MPRIP: variants seen among roughly 807,000 people sequenced by gnomAD.
MPRIP encodes the protein myosin phosphatase Rho-interacting protein.
A neutral mutation model predicts 234.9 loss-of-function variants in MPRIP; 59 were observed. The ratio of observed to expected loss-of-function variants is 0.25; its 90% CI spans 0.20 to 0.31. The LOEUF (loss-of-function observed/expected upper bound fraction) is 0.31, where lower values mean the gene tolerates loss of function less well. Among genes scored for constraint, MPRIP ranks in the 10% least tolerant of loss-of-function variants. MPRIP has a pLI of 1.00. For synonymous variants in MPRIP, 1,144 were observed against 1,263.9 expected (o/e 0.91, Z 2.01); for missense variants, 2,436 against 3,071.0 (o/e 0.79, Z 4.89).
intron 1 of MPRIP, among the ~76,000 whole-genome samples, chr17:17,073,636 C>T (rs1435990751): frequency 6.6e-6 from 1 of 152,070 alleles, no homozygotes; most frequent in Non-Finnish European, 1.5e-5. Context: ...TCACAGAGTC[C>T]AGATACACAC....
chr17:17,163,385 T>C (rs1469100597), intron 15 of MPRIP, among the ~76,000 whole-genome samples: 2 of 152,238 alleles, frequency 1.3e-5, no homozygotes, highest in Non-Finnish European at 2.9e-5. Flanking sequence ...TGGGGAGTTT[T>C]GTTTCATTTA....
At chr17:17,058,917 C>CAG (rs2088788430) in intron 1 of MPRIP, among the ~76,000 whole-genome samples, 1 of 151,982 alleles carries the variant, frequency 6.6e-6, no homozygotes, top group Non-Finnish European at 1.5e-5. Context: ...GGGGTGGGGA[C>CAG]GTGCTAGGGG....
chr17:17,102,237 G>GGCCA (rs1408371883), intron 3 of MPRIP, among the ~76,000 whole-genome samples: 1 of 152,080 alleles, frequency 6.6e-6, no homozygotes, highest in East Asian at 1.9e-4. Flanking sequence ...CCATAGTCAA[G>GGCCA]GCCAGGCCTT....
At chr17:17,109,114 A>G (rs969359046) in intron 3 of MPRIP, among the ~76,000 whole-genome samples, 38 of 152,262 alleles carry the variant, frequency 2.5e-4, no homozygotes, top group African/African-American at 8.7e-4. Context: ...TTCTTATCCA[A>G]ACATGCCTTG....
intron 3 of MPRIP, among the ~76,000 whole-genome samples, chr17:17,113,884 T>C (rs933390753): frequency 2.2e-5 from 3 of 137,348 alleles, no homozygotes; most frequent in Non-Finnish European, 4.7e-5. Flanking sequence ...TCTTTTCTTT[T>C]CTTTTTTTTT....
chr17:17,061,096 C>T (rs527703913), intron 1 of MPRIP, among the ~76,000 whole-genome samples: 1 of 152,300 alleles, frequency 6.6e-6, no homozygotes, highest in African/African-American at 2.4e-5. Context: ...GTGGGCACAG[C>T]TCCGCCAAGA....
intron 1 of MPRIP, among the ~76,000 whole-genome samples, chr17:17,050,128 C>T (rs972483340): frequency 1.8e-4 from 28 of 152,128 alleles, no homozygotes; most frequent in Non-Finnish European, 3.4e-4. Context: ...GAGATCGAGA[C>T]CACGGTGAAA....
rs1351218566 is a variant in MPRIP, at chr17:17,142,656, C to T, written c.1280C>T (p.Ala427Val). Reference sequence around the variant, plus strand: ...TCCCAGGTGATTGAAAAGTTTGAGGCCTTGGACATTGAGAAGGCAGAGCAC... The same window carrying T: ...TCCCAGGTGATTGAAAAGTTTGAGGTCTTGGACATTGAGAAGGCAGAGCAC... ...RRSQVIEKFE[A>V]LDIEKAEHME... Residue 427 changes from alanine to valine, a missense_variant, in exon 8 of 24, where the codon GCC becomes GTC. Around this residue, in one of 4 missense-constraint regions of MPRIP, gnomAD observed 267 missense variants for 252.7 expected, o/e 1.06. Coordinates refer to ENST00000651222, the MANE Select transcript of MPRIP (RefSeq NM_001364716.4). The T allele has an allele frequency of 6.2e-7, 1 of 1,611,824 alleles. No homozygotes were observed. Among genetic ancestry groups the T allele is most frequent in the Non-Finnish European group, 8.5e-7 (1 of 1,180,000 alleles).
At chr17:17,059,172 A>T (rs2088796660) in intron 1 of MPRIP, among the ~76,000 whole-genome samples, 1 of 152,208 alleles carries the variant, frequency 6.6e-6, no homozygotes, top group Non-Finnish European at 1.5e-5. Context: ...TTTGCTGAAA[A>T]GCCTCACATT....
chr17:17,059,660 A>G (rs960448735), intron 1 of MPRIP, among the ~76,000 whole-genome samples: 10 of 152,014 alleles, frequency 6.6e-5, no homozygotes, highest in African/African-American at 2.4e-4. Context: ...TTCCCTTTGC[A>G]CCACCTTTCG....
At chr17:17,175,931 G>A (rs912125288) in intron 20 of MPRIP, among the ~76,000 whole-genome samples, 5 of 152,240 alleles carry the variant, frequency 3.3e-5, no homozygotes, top group Admixed American at 6.5e-5. Flanking sequence ...TGTCTCTGTC[G>A]TGGAGCCGCC....
At chr17:17,114,463 G>A (rs765983321) in intron 3 of MPRIP, among the ~76,000 whole-genome samples, 73 of 151,704 alleles carry the variant, frequency 4.8e-4, no homozygotes, top group Admixed American at 2.6e-4. Context: ...TGCTTTTGGC[G>A]TCATATCCAA....
chr17:17,104,400 T>C (rs1375670289), intron 3 of MPRIP, among the ~76,000 whole-genome samples: 1 of 152,180 alleles, frequency 6.6e-6, no homozygotes, highest in African/African-American at 2.4e-5. Context: ...CAGAATTCAT[T>C]GTCCCCTTCC....
At chr17:17,090,423 T>A (rs1304472060) in intron 3 of MPRIP, among the ~76,000 whole-genome samples, 1 of 152,236 alleles carries the variant, frequency 6.6e-6, no homozygotes, top group Non-Finnish European at 1.5e-5. Flanking sequence ...CAAAGTCTAA[T>A]AAGCAGTGAG....
intron 3 of MPRIP, among the ~76,000 whole-genome samples, chr17:17,111,812 C>T (rs527722858): frequency 4.6e-5 from 7 of 152,074 alleles, no homozygotes; most frequent in Non-Finnish European, 1.0e-4. Flanking sequence ...TCAAGCGGGC[C>T]GCCTTCCCCA....
In MPRIP at chr17:17,164,578, G is replaced by T. The variant is rs371645508; in HGVS notation, c.2987G>T (p.Arg996Leu). 8.3e-7 allele frequency: 1 copy of T among 1,210,984 alleles called. No individual in the cohort carries two copies. 75.0% of individuals were successfully genotyped at this position (1,210,984 alleles called of 1,614,324 possible). ...RQKEVQRLQERIADLSQQLGA... is the reference protein window; with the variant it reads ...RQKEVQRLQELIADLSQQLGA... ...AAGGAGGTCCAGAGGCTGCAGGAGC[G>T]CATTGCCGACCTCAGCCAGCAACTG... is the stretch of plus-strand genomic sequence containing the variant. The change falls in exon 16 of 24, where the codon CGC becomes CTC. Residue 996 changes from arginine (R) to leucine (L), a missense_variant. Around this residue, in one of 4 missense-constraint regions of MPRIP, gnomAD observed 1,998 missense variants for 2,520.3 expected, o/e 0.79. Coordinates refer to ENST00000651222, the MANE Select transcript of MPRIP (RefSeq NM_001364716.4).
intron 4 of MPRIP, among the ~76,000 whole-genome samples, chr17:17,127,146 GAA>G (rs2090508100): frequency 6.6e-6 from 1 of 152,178 alleles, no homozygotes; most frequent in East Asian, 1.9e-4. Context: ...CCTCCACCTG[GAA>G]GGGGATCAGT....
intron 3 of MPRIP, among the ~76,000 whole-genome samples, chr17:17,110,873 C>T (rs1389570677): frequency 6.6e-6 from 1 of 152,140 alleles, no homozygotes; most frequent in East Asian, 1.9e-4. Flanking sequence ...GGACAGGACA[C>T]TTAATGTGAT....
chr17:17,116,517 C>A (rs905907397), intron 3 of MPRIP, among the ~76,000 whole-genome samples: 11 of 152,170 alleles, frequency 7.2e-5, no homozygotes, highest in Non-Finnish European at 1.5e-4. Context: ...TGGGGCTGTT[C>A]CTGTTGAATC....
Sources: gnomAD v4.1 joint callset for allele counts (sites outside exome capture counted in the v4.1 genomes callset) on GRCh38, gnomAD v4.1.1 for gene constraint, gnomAD v4.1.1 regional missense constraint, MANE v1.5 for transcripts, NCBI Gene and HGNC (gene_info 2026-07-23, HGNC 2026-07-21) for gene names.